UNC5C: variants seen among roughly 807,000 people sequenced by gnomAD.
The protein encoded by UNC5C is netrin receptor UNC5C.
Under a neutral mutation model 99.8 loss-of-function variants are expected in UNC5C, and 47 were observed. The observed-to-expected ratio is 0.47, with a 90% CI of 0.37 to 0.60. The LOEUF is 0.60. UNC5C is among the 20% of genes least tolerant of loss of function. UNC5C has a pLI of 0.00. For missense variants in UNC5C, 1,062 were observed against 1,165.9 expected (o/e 0.91, Z 1.30); for synonymous variants, 487 against 452.2 (o/e 1.08, Z -0.98).
intron 1 of UNC5C, among the ~76,000 whole-genome samples, chr4:95,388,779 A>G (rs1745277618): frequency 6.6e-6 from 1 of 152,186 alleles, no homozygotes; most frequent in African/African-American, 2.4e-5. Context: ...AAGGCTTGGA[A>G]TGGTAAAGTA....
chr4:95,185,041 C>T lies in UNC5C; in HGVS notation c.2286+6G>A. Reference sequence around the variant, plus strand: ...CCAGACCTTTTGTTCGGCTTGGGAACCTTACCTGATATTTAGCCAGCAATT... The same window carrying T: ...CCAGACCTTTTGTTCGGCTTGGGAATCTTACCTGATATTTAGCCAGCAATT... On this transcript the variant is annotated splice_donor_region_variant and intron_variant, in intron 13 of 15. Coordinates refer to ENST00000453304, the MANE Select transcript of UNC5C (RefSeq NM_003728.4). 1 of 1,609,192 alleles carries T rather than the reference C, an allele frequency of 6.2e-7. No individual in the cohort carries two copies. The highest frequency in any genetic ancestry group is 8.5e-7 in the Non-Finnish European group (1 of 1,178,498).
intron 14 of UNC5C, among the ~76,000 whole-genome samples, chr4:95,177,407 G>GC (rs1491509567): frequency 3.0e-5 from 3 of 101,642 alleles, no homozygotes; most frequent in African/African-American, 1.1e-4. Flanking sequence ...ATCACCCAGA[G>GC]CGCCCCCCAT....
chr4:95,427,427 C>T (rs571428260), intron 1 of UNC5C, among the ~76,000 whole-genome samples: 5 of 152,206 alleles, frequency 3.3e-5, no homozygotes, highest in African/African-American at 1.2e-4. Flanking sequence ...AGAGATATCG[C>T]CCATGAAAAG....
intron 1 of UNC5C, among the ~76,000 whole-genome samples, chr4:95,369,832 C>A: frequency 6.6e-6 from 1 of 151,256 alleles, no homozygotes; most frequent in African/African-American, 2.4e-5. Context: ...GACGGCATTG[C>A]AGAGGAAGAA....
At chr4:95,248,988 T>C (rs1368941498) in intron 5 of UNC5C, among the ~76,000 whole-genome samples, 1 of 151,590 alleles carries the variant, frequency 6.6e-6, no homozygotes, top group Non-Finnish European at 1.5e-5. Context: ...AAGTGCCCTA[T>C]ACAGGTTTAT....
At position 95,355,421 on chromosome 4, in the gene UNC5C, T is replaced by C. The variant is rs369029868; in HGVS notation, c.125-19790A>G. ...TAATCCCTCCACCAGTAATGTCTTT[T>C]CTCTCCTGTGCCTGGTGAACTCCTA... On this transcript the variant is annotated intron_variant, in intron 1 of 15. Transcript: ENST00000453304. Among the ~76,000 whole-genome samples the C allele has an allele frequency of 1.6e-4, 24 of 152,262 alleles. No individual in the cohort carries two copies. In the South Asian group the frequency reaches 4.4e-3, roughly 28 times the overall value.
intron 3 of UNC5C, among the ~76,000 whole-genome samples, chr4:95,279,770 T>C (rs886867147): frequency 6.6e-6 from 1 of 151,986 alleles, no homozygotes; most frequent in African/African-American, 2.4e-5. Flanking sequence ...AACTAGCGAG[T>C]GGAAACCTGA....
chr4:95,544,459 G>C (rs542115047), intron 1 of UNC5C, among the ~76,000 whole-genome samples: 1 of 152,216 alleles, frequency 6.6e-6, no homozygotes, highest in African/African-American at 2.4e-5. Context: ...TAGAATCCTA[G>C]CTTCACCTAT....
At chr4:95,175,454 C>G (rs1402808357) in intron 14 of UNC5C, among the ~76,000 whole-genome samples, 7 of 151,450 alleles carry the variant, frequency 4.6e-5, no homozygotes, top group African/African-American at 1.7e-4. Context: ...GACAAAATCT[C>G]TCAGCATTTG....
At chr4:95,412,362 G>A (rs1380287604) in intron 1 of UNC5C, among the ~76,000 whole-genome samples, 1 of 152,124 alleles carries the variant, frequency 6.6e-6, no homozygotes, top group African/African-American at 2.4e-5. Context: ...GCACAGCTGT[G>A]CCAGGGGAGG....
intron 14 of UNC5C, among the ~76,000 whole-genome samples, chr4:95,180,857 C>T (rs530772948): frequency 6.6e-6 from 1 of 152,168 alleles, no homozygotes; most frequent in Admixed American, 6.5e-5. Context: ...GAGCCCTGTT[C>T]AGAAGAAAGA....
chr4:95,346,095 G>C (rs538949046), intron 1 of UNC5C, among the ~76,000 whole-genome samples: 38 of 151,626 alleles, frequency 2.5e-4, no homozygotes, highest in African/African-American at 8.2e-4. Flanking sequence ...TTTGAAAAAG[G>C]AGACATTACA....
chr4:95,478,604 C>T (rs922060864), intron 1 of UNC5C, among the ~76,000 whole-genome samples: 7 of 152,006 alleles, frequency 4.6e-5, no homozygotes, highest in African/African-American at 1.4e-4. Flanking sequence ...TGTATCCCCA[C>T]AAGCAATTCA....
intron 1 of UNC5C, among the ~76,000 whole-genome samples, chr4:95,533,843 T>C (rs2149493655): frequency 6.6e-6 from 1 of 152,326 alleles, no homozygotes; most frequent in South Asian, 2.1e-4. Flanking sequence ...GGATTCTAAA[T>C]AGTCTCATAT....
chr4:95,408,414 A>C (rs985766809), intron 1 of UNC5C, among the ~76,000 whole-genome samples: 1 of 152,176 alleles, frequency 6.6e-6, no homozygotes, highest in African/African-American at 2.4e-5. Context: ...TGTTTTCATT[A>C]GTGCTTTTGT....
At chr4:95,522,031 C>G (rs1722373971) in intron 1 of UNC5C, among the ~76,000 whole-genome samples, 1 of 151,952 alleles carries the variant, frequency 6.6e-6, no homozygotes, top group African/African-American at 2.4e-5. Context: ...ATTTCTTCCA[C>G]TAATTTATTT....
intron 1 of UNC5C, among the ~76,000 whole-genome samples, chr4:95,454,501 C>T (rs939050629): frequency 1.3e-5 from 2 of 151,942 alleles, no homozygotes; most frequent in East Asian, 1.9e-4. Context: ...TTCTCCAAAA[C>T]GTTATTTTCT....
rs199839799 is a variant in UNC5C, at chr4:95,182,999, C to T, written c.2349G>A (p.Leu783=). ...SQRNLHCTFT[L]ERFSLNTVEL... ...CCACTGTGTTCAGGCTAAATCTTTC[C>T]AGAGTGAAGGTGCAGTGCAGGTTTC... The change falls in exon 14 of 16, where the codon CTG becomes CTA. Residue 783 remains leucine (L), a synonymous_variant. Transcript: ENST00000453304. 12 of 1,613,342 alleles carry T rather than the reference C, an allele frequency of 7.4e-6. No homozygotes were observed. In the African/African-American group the frequency reaches 8.0e-5, roughly 11 times the overall value.
At chr4:95,313,551 T>C (rs1353255456) in intron 2 of UNC5C, among the ~76,000 whole-genome samples, 1 of 152,186 alleles carries the variant, frequency 6.6e-6, no homozygotes, top group Non-Finnish European at 1.5e-5. Context: ...ACCAGGTATA[T>C]GTATCCAGAA....
Sources: allele counts gnomAD v4.1 joint callset (sites outside exome capture counted in the v4.1 genomes callset), GRCh38; gene constraint gnomAD v4.1.1; transcripts MANE v1.5; gene names NCBI Gene and HGNC (gene_info 2026-07-23, HGNC 2026-07-21).